SPOCK3: variants seen among roughly 807,000 people sequenced by gnomAD.
SPOCK3 encodes testican-3.
SPOCK3 carries 30 observed loss-of-function variants against 56.6 expected under a neutral mutation model. The observed-to-expected ratio is 0.53, with a 90% confidence interval of 0.40 to 0.72. The LOEUF (loss-of-function observed/expected upper bound fraction) is 0.72, where lower values mean the gene tolerates loss of function less well. Ranked by LOEUF, SPOCK3 falls within the 30% of genes least tolerant of loss-of-function variation. SPOCK3 has a pLI of 0.00. For synonymous variants in SPOCK3, 196 were observed against 183.3 expected, an observed-to-expected ratio of 1.07 and a Z score of -0.56; for missense variants, 527 against 530.0, an observed-to-expected ratio of 0.99 and a Z score of 0.06.
intron 2 of SPOCK3, among the ~76,000 whole-genome samples, chr4:167,091,094 G>A (rs1758662481): frequency 6.6e-6 from 1 of 152,134 alleles, no homozygotes; most frequent in South Asian, 2.1e-4. Flanking sequence ...AAGTACAACA[G>A]AAACATCATA....
intron 4 of SPOCK3, among the ~76,000 whole-genome samples, chr4:166,987,147 G>A (rs1747257547): frequency 6.6e-6 from 1 of 152,144 alleles, no homozygotes; most frequent in African/African-American, 2.4e-5. Flanking sequence ...TAAGATATGA[G>A]TGCTGCACAG....
chr4:166,857,899 T>C (rs2126896485), intron 6 of SPOCK3, among the ~76,000 whole-genome samples: 1 of 152,350 alleles, frequency 6.6e-6, no homozygotes, highest in South Asian at 2.1e-4. Context: ...GTATTCTCCT[T>C]TTCTATGTAT....
intron 2 of SPOCK3, among the ~76,000 whole-genome samples, chr4:167,218,302 C>A (rs544589352): frequency 1.3e-5 from 2 of 152,232 alleles, no homozygotes; most frequent in African/African-American, 4.8e-5. Context: ...GATGTTTTGA[C>A]GTTTTACTTG....
At chr4:167,167,297 T>C (rs1730055826) in intron 2 of SPOCK3, among the ~76,000 whole-genome samples, 1 of 152,156 alleles carries the variant, frequency 6.6e-6, no homozygotes, top group Non-Finnish European at 1.5e-5. Flanking sequence ...TGTAATTCCT[T>C]TGCCATTGTG....
chr4:166,824,444 A>G (rs1046240128), intron 6 of SPOCK3, among the ~76,000 whole-genome samples: 2 of 152,064 alleles, frequency 1.3e-5, no homozygotes, highest in Non-Finnish European at 2.9e-5. Flanking sequence ...CTAGTATGAT[A>G]ATATCTGACT....
intron 2 of SPOCK3, among the ~76,000 whole-genome samples, chr4:167,210,928 T>C (rs940301404): frequency 2.0e-5 from 3 of 152,224 alleles, no homozygotes; most frequent in Non-Finnish European, 4.4e-5. Flanking sequence ...TGGAAAATGA[T>C]AGATCCTGCA....
intron 4 of SPOCK3, among the ~76,000 whole-genome samples, chr4:166,961,663 A>G (rs950790962): frequency 2.0e-5 from 3 of 152,132 alleles, no homozygotes; most frequent in African/African-American, 7.2e-5. Flanking sequence ...ATATTCCTTA[A>G]TGCTTATACA....
At chr4:166,916,830 C>A (rs1267739600) in intron 4 of SPOCK3, among the ~76,000 whole-genome samples, 1 of 152,144 alleles carries the variant, frequency 6.6e-6, no homozygotes, top group Non-Finnish European at 1.5e-5. Context: ...GTCTATAAAT[C>A]TTTAATACAA....
chr4:167,102,730 C>A (rs1224358039), intron 2 of SPOCK3, among the ~76,000 whole-genome samples: 4 of 151,944 alleles, frequency 2.6e-5, no homozygotes, highest in African/African-American at 7.2e-5. Context: ...TTATCCATCC[C>A]AGCGGTTGAA....
intron 9 of SPOCK3, among the ~76,000 whole-genome samples, chr4:166,738,550 T>G (rs186692164): frequency 8.6e-5 from 13 of 151,054 alleles, no homozygotes; most frequent in African/African-American, 3.2e-4. Context: ...ACATGTGCCA[T>G]GCTGCTGTGC....
intron 2 of SPOCK3, among the ~76,000 whole-genome samples, chr4:167,075,607 G>A (rs1757114154): frequency 6.6e-6 from 1 of 151,864 alleles, no homozygotes; most frequent in Admixed American, 6.6e-5. Flanking sequence ...TTTGCTTATG[G>A]TAAAGGGAGA....
chr4:167,022,354 C>G (rs559852588), intron 3 of SPOCK3, among the ~76,000 whole-genome samples: 1 of 152,018 alleles, frequency 6.6e-6, no homozygotes, highest in Non-Finnish European at 1.5e-5. Flanking sequence ...AAAGCCTGAC[C>G]GGAGTAAACC....
At chr4:167,159,271 T>C (rs1765074115) in intron 2 of SPOCK3, among the ~76,000 whole-genome samples, 1 of 152,050 alleles carries the variant, frequency 6.6e-6, no homozygotes, top group African/African-American at 2.4e-5. Context: ...TAATAATTAA[T>C]ATATGATTGT....
chr4:167,136,691 T>G (rs2150391587), intron 2 of SPOCK3, among the ~76,000 whole-genome samples: 1 of 152,248 alleles, frequency 6.6e-6, no homozygotes, highest in Non-Finnish European at 1.5e-5. Flanking sequence ...ATCTGAGAAA[T>G]ATTTCATTTT....
intron 2 of SPOCK3, among the ~76,000 whole-genome samples, chr4:167,120,121 C>T (rs1330408364): frequency 6.6e-6 from 1 of 151,972 alleles, no homozygotes; most frequent in Non-Finnish European, 1.5e-5. Context: ...AAAATTACAC[C>T]TAATTTCAAG....
intron 4 of SPOCK3, among the ~76,000 whole-genome samples, chr4:166,974,111 GAA>G (rs1745687210): frequency 6.6e-6 from 1 of 152,140 alleles, no homozygotes; most frequent in African/African-American, 2.4e-5. Flanking sequence ...AGGTAAATTT[GAA>G]AAGTCATTTT....
intron 4 of SPOCK3, among the ~76,000 whole-genome samples, chr4:166,930,750 G>A (rs75652453): frequency 0.055 from 8,365 of 152,096 alleles, 614 homozygotes; most frequent in East Asian, 0.39. Flanking sequence ...CCTATAAAAC[G>A]TATGTCCATG....
intron 6 of SPOCK3, among the ~76,000 whole-genome samples, chr4:166,859,882 A>G (rs933720989): frequency 2.0e-5 from 3 of 152,178 alleles, no homozygotes; most frequent in Admixed American, 1.3e-4. Context: ...CAGCAGAAGT[A>G]TCCTATATTT....
chr4:166,984,146 ACTT>A (rs1269564515), intron 4 of SPOCK3, among the ~76,000 whole-genome samples: 1 of 152,098 alleles, frequency 6.6e-6, no homozygotes, highest in African/African-American at 2.4e-5. Flanking sequence ...AGAGAAGGGT[ACTT>A]CTTATAAATT....
Sources: allele counts gnomAD v4.1 joint callset (sites outside exome capture counted in the v4.1 genomes callset), GRCh38; gene constraint gnomAD v4.1.1; transcripts MANE v1.5; gene names NCBI Gene and HGNC (gene_info 2026-07-23, HGNC 2026-07-21).